SNRPN: variants seen among roughly 807,000 people sequenced by gnomAD.
SNRPN encodes small nuclear ribonucleoprotein polypeptide N.
SNRPN carries 7 observed loss-of-function variants against 25.2 expected under a neutral mutation model. That is an observed-to-expected ratio of 0.28 (90% CI 0.16 to 0.52). The LOEUF is 0.52. SNRPN is among the 20% of genes least tolerant of loss of function. The pLI is 0.96. For missense variants in SNRPN, 196 were observed against 322.5 expected (o/e 0.61, Z 3.00); for synonymous variants, 124 against 110.6 (o/e 1.12, Z -0.76).
At chr15:24,899,347 A>C (rs1280657828) in intron 2 of SNRPN, among the ~76,000 whole-genome samples, 2 of 152,354 alleles carry the variant, frequency 1.3e-5, no homozygotes, top group African/African-American at 4.8e-5. Flanking sequence ...TTTAGATCAA[A>C]ATTAATCATT....
upstream of SNRPN, among the ~76,000 whole-genome samples, chr15:24,853,398 AT>A (rs113742775): frequency 0.039 from 5,591 of 143,874 alleles, 282 homozygotes; most frequent in African/African-American, 0.12. Context: ...AAGTTGTCTG[AT>A]TTTTTTTTTT....
chr15:24,842,673 G>T (rs1480274641), intron 2 of SNRPN, among the ~76,000 whole-genome samples: 1 of 152,130 alleles, frequency 6.6e-6, no homozygotes, highest in African/African-American at 2.4e-5. Flanking sequence ...CTAAAGATGT[G>T]ACATTCCTTA....
chr15:24,874,309 CAAAAAAA>C (rs199834006), intron 1 of SNRPN, among the ~76,000 whole-genome samples: 2 of 61,446 alleles, frequency 3.3e-5, no homozygotes, highest in Non-Finnish European at 5.6e-5. Flanking sequence ...GACTCTGTCT[CAAAAAAA>C]AAAAAAAAAA....
chr15:24,963,205 T>C (rs1249765163), intron 2 of SNRPN, among the ~76,000 whole-genome samples: 1 of 152,230 alleles, frequency 6.6e-6, no homozygotes, highest in Non-Finnish European at 1.5e-5. Context: ...AAATCTACCT[T>C]ATTTTACAAA....
chr15:24,853,555 A>G (rs1005102099), upstream of SNRPN, among the ~76,000 whole-genome samples: 1 of 152,102 alleles, frequency 6.6e-6, no homozygotes, highest in Admixed American at 6.6e-5. Flanking sequence ...CACCACGCCC[A>G]GCTAATTTTT....
chr15:24,846,513 T>C (rs1262575045), intron 2 of SNRPN, among the ~76,000 whole-genome samples: 1 of 152,222 alleles, frequency 6.6e-6, no homozygotes, highest in Non-Finnish European at 1.5e-5. Flanking sequence ...TGCATTATTC[T>C]GTGGAAATCC....
Position 24,908,677 on chromosome 15 carries a change from T to C in SNRPN, c.-504-11334T>C, listed in dbSNP as rs559437921. On this transcript the variant is annotated intron_variant, in intron 2 of 11. Transcript: ENST00000400097. ...GGGAGAAGGCCGGAGTAACTCACCA[T>C]ACCAACTCAAAGTTACAAGTTTTTT... 2.0e-4 allele frequency among the ~76,000 whole-genome samples: 28 copies of C among 137,926 alleles called. 1 individual carries two copies. In the South Asian group the frequency reaches 2.2e-3, roughly 11 times the overall value. The allele number at this position is 137,926 out of a possible 152,430, so 90.5% of individuals were successfully genotyped here. A position where few individuals can be genotyped will look rare whatever the true frequency, so the allele number is the denominator to read the frequency against.
intron 2 of SNRPN, among the ~76,000 whole-genome samples, chr15:24,838,196 AG>A (rs1263754576): frequency 1.3e-5 from 2 of 151,266 alleles, no homozygotes; most frequent in African/African-American, 4.9e-5. Flanking sequence ...CACCACGCCC[AG>A]GTAAAATTTT....
chr15:24,843,426 T>C (rs2051871629), intron 2 of SNRPN, among the ~76,000 whole-genome samples: 1 of 152,074 alleles, frequency 6.6e-6, no homozygotes, highest in African/African-American at 2.4e-5. Context: ...GATGGGAGGA[T>C]CACTTGAGGC....
intron 2 of SNRPN, among the ~76,000 whole-genome samples, chr15:24,901,398 A>G (rs2058447006): frequency 6.6e-6 from 1 of 152,232 alleles, no homozygotes; most frequent in African/African-American, 2.4e-5. Context: ...CTCTATATCA[A>G]GAAAAGTTCC....
At chr15:24,928,584 C>G (rs1298092944) in intron 3 of SNRPN, among the ~76,000 whole-genome samples, 1 of 152,028 alleles carries the variant, frequency 6.6e-6, no homozygotes, top group African/African-American at 2.4e-5. Flanking sequence ...AATTGTCATT[C>G]TACAGTGCTG....
rs76547614 is a variant in SNRPN, at chr15:24,930,387, T to C, written c.-391+10263T>C. Among the ~76,000 whole-genome samples, 24 of 151,818 alleles carry C rather than the reference T, an allele frequency of 1.6e-4. No homozygotes were observed. In the East Asian group the frequency reaches 4.3e-3, roughly 27 times the overall value. On this transcript the variant is annotated intron_variant, in intron 3 of 11. Transcript: ENST00000400097. ...ATGCATAGATATTTTTTATTTTGCCTATGTCCTTAAATTCTCAGAATATAG... is the reference window on the plus strand; with the variant it reads ...ATGCATAGATATTTTTTATTTTGCCCATGTCCTTAAATTCTCAGAATATAG...
intron 3 of SNRPN, among the ~76,000 whole-genome samples, chr15:24,946,995 G>A (rs1455858722): frequency 6.6e-6 from 1 of 152,024 alleles, no homozygotes; most frequent in African/African-American, 2.4e-5. Flanking sequence ...TTGAATTTCT[G>A]CTTCTGAATT....
intron 3 of SNRPN, among the ~76,000 whole-genome samples, chr15:24,928,397 A>G (rs2060562306): frequency 6.9e-6 from 1 of 144,560 alleles, no homozygotes; most frequent in South Asian, 2.1e-4. Context: ...ATTTAGCCAT[A>G]AAAAAAGAAT....
At chr15:24,974,618 T>G in intron 4 of SNRPN, 162 bp downstream of exon 4, 2 of 736,834 alleles carry the variant, frequency 2.7e-6, no homozygotes, top group South Asian at 1.6e-5. Flanking sequence ...GATGAGCTGA[T>G]TTTTTTATTT....
At chr15:24,845,826 T>C (rs933434549) in intron 2 of SNRPN, among the ~76,000 whole-genome samples, 1 of 152,120 alleles carries the variant, frequency 6.6e-6, no homozygotes, top group Non-Finnish European at 1.5e-5. Context: ...GGCTCAAGAC[T>C]GTAATCCCAG....
chr15:24,836,589 T>C (rs956304333), intron 2 of SNRPN, among the ~76,000 whole-genome samples: 12 of 151,966 alleles, frequency 7.9e-5, no homozygotes, highest in African/African-American at 2.9e-4. Context: ...TTTGTGTATT[T>C]TTTAGTAAAG....
upstream of SNRPN, among the ~76,000 whole-genome samples, chr15:24,950,035 A>G (rs1210985893): frequency 6.6e-6 from 1 of 151,960 alleles, no homozygotes; most frequent in African/African-American, 2.4e-5. Context: ...GCTATCAGGG[A>G]GATCTTGGAC....
At chr15:24,850,694 A>G (rs1390063569) in intron 2 of SNRPN, 1 of 152,204 alleles carries the variant, frequency 6.6e-6, no homozygotes, top group African/African-American at 2.4e-5. Flanking sequence ...TGTCCAGAAA[A>G]AAAGTACAGA....
Sources: gnomAD v4.1 joint callset for allele counts (sites outside exome capture counted in the v4.1 genomes callset) on GRCh38, gnomAD v4.1.1 for gene constraint, MANE v1.5 for transcripts, NCBI Gene and HGNC (gene_info 2026-07-23, HGNC 2026-07-21) for gene names.